UXS1: variants seen among roughly 807,000 people sequenced by gnomAD.
The protein encoded by UXS1 is UDP-glucuronic acid decarboxylase 1.
UXS1 carries 33 observed loss-of-function variants against 62.6 expected under a neutral mutation model. That is an observed-to-expected ratio of 0.53 (90% CI 0.40 to 0.70). UXS1 has a LOEUF of 0.70. Among genes scored for constraint, UXS1 ranks in the 30% least tolerant of loss-of-function variants. The pLI, the probability that UXS1 is intolerant of heterozygous loss-of-function variation, is 0.00. For synonymous variants in UXS1, 213 were observed against 206.8 expected, an observed-to-expected ratio of 1.03 and a Z score of -0.26; for missense variants, 434 against 556.3, an observed-to-expected ratio of 0.78 and a Z score of 2.21.
chr2:106,097,111 A>T (rs1327181609), intron 13 of UXS1: 1 of 534,574 alleles, frequency 1.9e-6, no homozygotes, highest in Non-Finnish European at 3.6e-6. Context: ...CGCCCACTAC[A>T]AGAGGGTTGC....
At chr2:106,104,323 A>C (rs998819906) in intron 11 of UXS1, among the ~76,000 whole-genome samples, 8 of 152,216 alleles carry the variant, frequency 5.3e-5, no homozygotes, top group Admixed American at 3.9e-4. Context: ...GAATCTATTC[A>C]AAAAATATAT....
At chr2:106,144,197 T>C (rs916732276) in intron 6 of UXS1, among the ~76,000 whole-genome samples, 1 of 152,194 alleles carries the variant, frequency 6.6e-6, no homozygotes, top group African/African-American at 2.4e-5. Flanking sequence ...AGCTATAATC[T>C]ACATAGCCTG....
At chr2:106,169,058 T>C (rs920030049) in intron 1 of UXS1, among the ~76,000 whole-genome samples, 2 of 152,236 alleles carry the variant, frequency 1.3e-5, no homozygotes, top group African/African-American at 2.4e-5. Context: ...CTTGTTGTCC[T>C]GTTCTTGCCT....
intron 1 of UXS1, among the ~76,000 whole-genome samples, chr2:106,189,280 C>T (rs7572572): frequency 0.99 from 151,336 of 152,340 alleles, 75,174 homozygotes; most frequent in Middle Eastern, 1. Context: ...TGGAACACCA[C>T]GGATGTATCA....
intron 1 of UXS1, among the ~76,000 whole-genome samples, chr2:106,186,442 TTA>T (rs932107417): frequency 9.5e-5 from 14 of 147,506 alleles, no homozygotes; most frequent in African/African-American, 2.8e-4. Context: ...CTCTGGGCTT[TTA>T]TATATATATA....
At chr2:106,165,990 A>G (rs962351292) in intron 2 of UXS1, 66 bp downstream of exon 2, 47 of 1,489,904 alleles carry the variant, frequency 3.2e-5, no homozygotes, top group Middle Eastern at 1.7e-4. Context: ...TCCATGGTAT[A>G]TATGTACCAA....
chr2:106,193,457 C>T lies in UXS1; in HGVS notation c.94+691G>A, dbSNP rs1410417581. ...CCCCTCCTGCCCTGTCTCCAGGCAG[C>T]ATGCTGTGAGCGATGACAGAAACTG... On this transcript the variant is annotated intron_variant, in intron 1 of 14. Transcript: ENST00000283148. Among the ~76,000 whole-genome samples the T allele has an allele frequency of 2.0e-5, 3 of 152,218 alleles. No homozygotes were observed. The East Asian group carries it at 5.8e-4, about 29-fold the overall frequency.
intron 7 of UXS1, among the ~76,000 whole-genome samples, chr2:106,126,906 C>A (rs867759598): frequency 3.3e-5 from 5 of 152,138 alleles, no homozygotes; most frequent in African/African-American, 1.2e-4. Context: ...AGCCTCTCCT[C>A]GCTCCCTCCC....
intron 1 of UXS1, among the ~76,000 whole-genome samples, chr2:106,176,083 C>T (rs1051909840): frequency 2.0e-5 from 3 of 152,158 alleles, no homozygotes; most frequent in Non-Finnish European, 4.4e-5. Flanking sequence ...CACTGCTTTG[C>T]ATAGAGACTG....
intron 14 of UXS1, among the ~76,000 whole-genome samples, chr2:106,095,987 C>A (rs1677047950): frequency 6.6e-6 from 1 of 152,218 alleles, no homozygotes. Context: ...ACACTGAAGA[C>A]AACAGGAAGG....
intron 1 of UXS1, among the ~76,000 whole-genome samples, chr2:106,188,320 G>A (rs2105127934): frequency 6.6e-6 from 1 of 152,298 alleles, no homozygotes; most frequent in South Asian, 2.1e-4. Context: ...GGGACATGGA[G>A]AGGGCACGGA....
At chr2:106,194,122 C>A in intron 1 of UXS1, 26 bp downstream of exon 1, 1 of 1,459,424 alleles carries the variant, frequency 6.9e-7, no homozygotes, top group East Asian at 3.1e-5. Flanking sequence ...ATGGGGCTCC[C>A]CAGCTGGCAG....
rs189133638 is a variant in UXS1 at position 106,186,594 on chromosome 2, G to C, written c.94+7554C>G. On this transcript the variant is annotated intron_variant, in intron 1 of 14. Transcript: ENST00000283148. ...GCTACTATGGCTCCAGAAATTTAGA[G>C]GCATAAAACCAAATGCAACATGTAA... 2.4e-3 allele frequency among the ~76,000 whole-genome samples: 358 copies of C among 152,018 alleles called. 5 individuals carry two copies. Among genetic ancestry groups the C allele is most frequent in the Non-Finnish European group, 1.1e-3 (77 of 67,996 alleles).
rs1271068933 is a variant in UXS1 at position 106,194,282 on chromosome 2, G to A, written c.-41C>T. The A allele has an allele frequency of 5.9e-5, 71 of 1,196,334 alleles. No homozygotes were observed. In the East Asian group the frequency reaches 6.6e-4, roughly 11 times the overall value. The allele number at this position is 1,196,334 out of a possible 1,614,324, so 74.1% of individuals were successfully genotyped here. On this transcript the variant is annotated 5_prime_UTR_variant, in exon 1 of 15. Coordinates refer to ENST00000283148, the MANE Select transcript of UXS1 (RefSeq NM_001253875.2). Reference sequence around the variant, plus strand: ...GGGTCCAGGGCCCTACCGCGCGGGGGCCCGCCTGCTGCACAATGCGCGGCG... The same window carrying A: ...GGGTCCAGGGCCCTACCGCGCGGGGACCCGCCTGCTGCACAATGCGCGGCG...
At chr2:106,181,836 C>A (rs919182059) in intron 1 of UXS1, among the ~76,000 whole-genome samples, 1 of 152,176 alleles carries the variant, frequency 6.6e-6, no homozygotes, top group African/African-American at 2.4e-5. Flanking sequence ...GGAGTGCTAA[C>A]GCTGGGATCC....
chr2:106,163,169 A>C (rs1683007118), intron 4 of UXS1, among the ~76,000 whole-genome samples: 1 of 152,192 alleles, frequency 6.6e-6, no homozygotes, highest in Non-Finnish European at 1.5e-5. Flanking sequence ...ATCTGACTCA[A>C]ATAAACATTT....
chr2:106,160,595 A>G (rs1222957327), intron 4 of UXS1: 2 of 152,246 alleles, frequency 1.3e-5, no homozygotes, highest in Non-Finnish European at 2.9e-5. Flanking sequence ...GGCCATGGAA[A>G]CAAATGTTAA....
intron 6 of UXS1, among the ~76,000 whole-genome samples, chr2:106,136,965 C>CACAAAA (rs1680695000): frequency 3.7e-5 from 2 of 54,158 alleles, no homozygotes; most frequent in African/African-American, 1.5e-4. Flanking sequence ...AGAACACACA[C>CACAAAA]AAAAAAAAAA....
intron 9 of UXS1, among the ~76,000 whole-genome samples, chr2:106,121,825 G>C (rs184659627): frequency 6.6e-6 from 1 of 152,328 alleles, no homozygotes; most frequent in East Asian, 1.9e-4. Context: ...TGATGAGAAA[G>C]AGAGTCCTCG....
Sources: allele counts gnomAD v4.1 joint callset (sites outside exome capture counted in the v4.1 genomes callset), GRCh38; gene constraint gnomAD v4.1.1; transcripts MANE v1.5; gene names NCBI Gene and HGNC (gene_info 2026-07-23, HGNC 2026-07-21).